ZNF609: variants seen among roughly 807,000 people sequenced by gnomAD.
The protein encoded by ZNF609 is zinc finger protein 609.
ZNF609 carries 11 observed loss-of-function variants against 109.5 expected under a neutral mutation model. The ratio of observed to expected loss-of-function variants is 0.10; its 90% CI spans 0.06 to 0.17. ZNF609 has a LOEUF of 0.17. ZNF609 is among the 10% of genes least tolerant of loss of function. ZNF609 has a pLI of 1.00. For missense variants in ZNF609, 1,559 were observed against 1,772.4 expected, an observed-to-expected ratio of 0.88 and a Z score of 2.16; for synonymous variants, 646 against 662.0, an observed-to-expected ratio of 0.98 and a Z score of 0.37.
At chr15:64,539,164 T>C (rs886305129) in intron 2 of ZNF609, among the ~76,000 whole-genome samples, 5 of 67,584 alleles carry the variant, frequency 7.4e-5, no homozygotes, top group African/African-American at 3.7e-4. Context: ...CCACCATGCC[T>C]TATTTATTTA....
At chr15:64,629,021 A>C (rs1400750042) in intron 3 of ZNF609, among the ~76,000 whole-genome samples, 1 of 152,180 alleles carries the variant, frequency 6.6e-6, no homozygotes, top group East Asian at 1.9e-4. Context: ...GTCTTCTCTC[A>C]GTCCTTCCTA....
intron 2 of ZNF609, among the ~76,000 whole-genome samples, chr15:64,605,031 C>G (rs1006248447): frequency 2.6e-5 from 4 of 152,016 alleles, no homozygotes; most frequent in Admixed American, 2.0e-4. Flanking sequence ...CAGGGTTTCA[C>G]TGTGTTAGCC....
chr15:64,491,694 A>T (rs913393697), intron 1 of ZNF609, among the ~76,000 whole-genome samples: 1 of 152,018 alleles, frequency 6.6e-6, no homozygotes, highest in African/African-American at 2.4e-5. Context: ...CAAAAATAAA[A>T]AAATTAGCCG....
At chr15:64,486,862 A>G (rs1893341508) in intron 1 of ZNF609, among the ~76,000 whole-genome samples, 1 of 152,100 alleles carries the variant, frequency 6.6e-6, no homozygotes, top group African/African-American at 2.4e-5. Flanking sequence ...TGGCCTCCCA[A>G]GTGCTGGCAT....
At chr15:64,557,861 T>C (rs1398741691) in intron 2 of ZNF609, among the ~76,000 whole-genome samples, 1 of 152,020 alleles carries the variant, frequency 6.6e-6, no homozygotes, top group Non-Finnish European at 1.5e-5. Context: ...CGCACCTGGC[T>C]AATTTTTTGT....
intron 2 of ZNF609, among the ~76,000 whole-genome samples, chr15:64,565,232 G>GTATTATTATTATTATTATTAT (rs60734525): frequency 0.034 from 4,748 of 138,656 alleles, 118 homozygotes; most frequent in African/African-American, 0.06. Flanking sequence ...GCTAATTTTT[G>GTATTATTATTATTATTATTAT]TATTATTATT....
intron 2 of ZNF609, among the ~76,000 whole-genome samples, chr15:64,539,437 G>A (rs1894211533): frequency 6.6e-6 from 1 of 151,830 alleles, no homozygotes; most frequent in Non-Finnish European, 1.5e-5. Flanking sequence ...TCGATCTCCT[G>A]ACCGCGTGAT....
chr15:64,572,304 T>G (rs1386056048), intron 2 of ZNF609, among the ~76,000 whole-genome samples: 1 of 152,200 alleles, frequency 6.6e-6, no homozygotes, highest in Non-Finnish European at 1.5e-5. Flanking sequence ...AAGACCAGCC[T>G]GGGCCCCATT....
chr15:64,630,808 T>A (rs953172330), intron 3 of ZNF609, among the ~76,000 whole-genome samples: 2 of 151,750 alleles, frequency 1.3e-5, no homozygotes, highest in African/African-American at 2.4e-5. Context: ...TTTGTTTGTT[T>A]TGTAAATTAT....
intron 2 of ZNF609, among the ~76,000 whole-genome samples, chr15:64,603,958 A>G (rs1440575717): frequency 1.4e-5 from 2 of 138,884 alleles, no homozygotes; most frequent in Non-Finnish European, 3.0e-5. Flanking sequence ...AGATCACACC[A>G]CTACAGTCCA....
chr15:64,675,237 A>G lies in ZNF609; in HGVS notation c.2383A>G (p.Ile795Val). 3.1e-6 allele frequency: 5 copies of G among 1,613,990 alleles called. No individual in the cohort carries two copies. The highest frequency in any genetic ancestry group is 4.2e-6 in the Non-Finnish European group (5 of 1,180,026). Residue 795 changes from isoleucine (I) to valine (V), a missense_variant, in exon 5 of 10, where the codon ATC (isoleucine) becomes GTC (valine). Ile to Val is a conservative substitution (Grantham distance 29). Coordinates refer to ENST00000326648, the MANE Select transcript of ZNF609 (RefSeq NM_015042.2). ...TAGCATCAAGGCTGAAGCCGACAAG[A>G]TCTACAGTTTCACGGACAATGCCCC... ...LASIKAEADK[I>V]YSFTDNAPSP...
At chr15:64,592,236 C>G (rs1895311651) in intron 2 of ZNF609, among the ~76,000 whole-genome samples, 1 of 152,024 alleles carries the variant, frequency 6.6e-6, no homozygotes, top group African/African-American at 2.4e-5. Flanking sequence ...ACCTAAATAT[C>G]CATCTATAGT....
chr15:64,517,861 C>T (rs1893836760), intron 2 of ZNF609, among the ~76,000 whole-genome samples: 1 of 151,984 alleles, frequency 6.6e-6, no homozygotes, highest in Admixed American at 6.6e-5. Flanking sequence ...CCCACTATAA[C>T]CTCTGCCTCC....
chr15:64,556,309 T>C (rs1396602487), intron 2 of ZNF609, among the ~76,000 whole-genome samples: 2 of 152,058 alleles, frequency 1.3e-5, no homozygotes, highest in Non-Finnish European at 2.9e-5. Flanking sequence ...TTTAAAATTT[T>C]TTTATAGAGA....
rs549629740 is a variant in ZNF609, at chr15:64,552,803, C to T, written c.747+52637C>T. On this transcript the variant is annotated intron_variant, in intron 2 of 9. Transcript: ENST00000326648. ...AGCTGGGACTACAGGCACATGCAAC[C>T]GTGCCTGACTAATTTTTTTCTTTTG... Among the ~76,000 whole-genome samples, 8 of 152,152 alleles carry T rather than the reference C, an allele frequency of 5.3e-5. No individual in the cohort carries two copies. The South Asian group carries it at 8.3e-4, about 16-fold the overall frequency.
In ZNF609 at chr15:64,665,622, CA is replaced by C. The variant is rs1285552632; in HGVS notation, c.974-4721del. Among the ~76,000 whole-genome samples, 5 of 152,040 alleles carry C rather than the reference CA, an allele frequency of 3.3e-5. No individual in the cohort carries two copies. The East Asian group carries it at 9.6e-4, about 29-fold the overall frequency. On this transcript the variant is annotated intron_variant, in intron 3 of 9. Transcript: ENST00000326648. ...AACAGAAAAAATTATAAAAAGTAAA[CA>C]AATGGGCCGGGCCCGGTGGCGCATG...
chr15:64,666,774 C>G (rs1896655070), intron 3 of ZNF609, among the ~76,000 whole-genome samples: 1 of 151,918 alleles, frequency 6.6e-6, no homozygotes, highest in African/African-American at 2.4e-5. Flanking sequence ...CTTGGCATCC[C>G]AAAGTGCTGG....
chr15:64,571,229 C>T (rs1156295092), intron 2 of ZNF609, among the ~76,000 whole-genome samples: 2 of 152,088 alleles, frequency 1.3e-5, no homozygotes, highest in African/African-American at 2.4e-5. Context: ...GTATAGATCC[C>T]TCAGCAGAGC....
intron 2 of ZNF609, among the ~76,000 whole-genome samples, chr15:64,621,480 GCTGAGAATAC>G (rs1410412802): frequency 6.6e-6 from 1 of 152,064 alleles, no homozygotes; most frequent in Non-Finnish European, 1.5e-5. Context: ...TTCTGGAGTA[GCTGAGAATAC>G]AGGCATATGC....
Sources: gnomAD v4.1 joint callset for allele counts (sites outside exome capture counted in the v4.1 genomes callset) on GRCh38, gnomAD v4.1.1 for gene constraint, MANE v1.5 for transcripts, NCBI Gene and HGNC (gene_info 2026-07-23, HGNC 2026-07-21) for gene names.